The following CSMD1 variants were observed in gnomAD, a reference collection of about 807,000 sequenced individuals.
The protein encoded by CSMD1 is CUB and Sushi multiple domains 1, also known as CUB and sushi domain-containing protein 1.
In CSMD1, 213 loss-of-function variants were observed where a neutral mutation model predicts 417.5. The ratio of observed to expected loss-of-function variants is 0.51; its 90% CI spans 0.46 to 0.57. The LOEUF is 0.57. Among genes scored for constraint, CSMD1 ranks in the 20% least tolerant of loss-of-function variants. The pLI is 0.00. For missense variants in CSMD1, 6,923 were observed against 4,529.7 expected, an observed-to-expected ratio of 1.53 and a Z score of -15.17; for synonymous variants, 2,862 against 1,736.8, an observed-to-expected ratio of 1.65 and a Z score of -16.11.
chr8:3,260,420 C>T (rs529753735), intron 26 of CSMD1, among the ~76,000 whole-genome samples: 1 of 151,970 alleles, frequency 6.6e-6, no homozygotes, highest in Non-Finnish European at 1.5e-5. Context: ...AGGAGTATAT[C>T]CTCCAGCCCC....
At chr8:4,254,733 T>C (rs1049879828) in intron 3 of CSMD1, among the ~76,000 whole-genome samples, 4 of 152,116 alleles carry the variant, frequency 2.6e-5, no homozygotes, top group African/African-American at 9.7e-5. Flanking sequence ...TTATGTATCT[T>C]CAGATCTGCA....
At chr8:3,875,394 G>A (rs1198837955) in intron 5 of CSMD1, among the ~76,000 whole-genome samples, 4 of 152,174 alleles carry the variant, frequency 2.6e-5, no homozygotes, top group Non-Finnish European at 1.5e-5. Flanking sequence ...GCGTAGACAT[G>A]GTCTATGAAG....
At chr8:4,943,290 T>C (rs897417608) in intron 1 of CSMD1, among the ~76,000 whole-genome samples, 1 of 152,046 alleles carries the variant, frequency 6.6e-6, no homozygotes, top group Non-Finnish European at 1.5e-5. Flanking sequence ...GGTCAGGAGA[T>C]CAAGATCGTC....
At chr8:4,488,975 G>A (rs1048539406) in intron 2 of CSMD1, among the ~76,000 whole-genome samples, 1 of 152,130 alleles carries the variant, frequency 6.6e-6, no homozygotes, top group Non-Finnish European at 1.5e-5. Flanking sequence ...GCAGTGGCGC[G>A]ATCTTGGCTC....
intron 1 of CSMD1, among the ~76,000 whole-genome samples, chr8:4,715,555 G>A (rs1188281848): frequency 6.6e-6 from 1 of 151,864 alleles, no homozygotes; most frequent in Non-Finnish European, 1.5e-5. Context: ...TATATCCAAC[G>A]GTCCACCCTG....
chr8:3,790,662 G>T lies in CSMD1; in HGVS notation c.819-36620C>A, dbSNP rs150707793. ...AAGAGATAATAGCTGGGATTTTGTT[G>T]TTGTTGTTAACAGGGTTTGTTTTAT... On this transcript the variant is annotated intron_variant, in intron 5 of 69. Coordinates refer to ENST00000635120, the MANE Select transcript of CSMD1 (RefSeq NM_033225.6). Among the ~76,000 whole-genome samples, 4 of 152,154 alleles carry T rather than the reference G, an allele frequency of 2.6e-5. No individual in the cohort carries two copies. In the East Asian group the frequency reaches 7.7e-4, roughly 29 times the overall value.
chr8:3,391,119 T>A (rs927407804), intron 17 of CSMD1, among the ~76,000 whole-genome samples: 1 of 152,144 alleles, frequency 6.6e-6, no homozygotes, highest in Non-Finnish European at 1.5e-5. Flanking sequence ...TACCATTACA[T>A]CCCGACCACT....
At chr8:3,837,111 T>G (rs1282194381) in intron 5 of CSMD1, among the ~76,000 whole-genome samples, 3 of 151,078 alleles carry the variant, frequency 2.0e-5, no homozygotes, top group East Asian at 3.9e-4. Context: ...AGATTACCAT[T>G]CAGTATTAAA....
intron 26 of CSMD1, among the ~76,000 whole-genome samples, chr8:3,264,463 C>G (rs150124027): frequency 3.9e-5 from 6 of 152,056 alleles, no homozygotes; most frequent in African/African-American, 1.2e-4. Flanking sequence ...CAGTTTGAAT[C>G]GAGTGAGGTG....
chr8:3,204,076 T>C lies in CSMD1; in HGVS notation c.4984+1428A>G, dbSNP rs894948873. Among the ~76,000 whole-genome samples the C allele has an allele frequency of 9.2e-5, 14 of 152,290 alleles. No individual in the cohort carries two copies. The East Asian group carries it at 2.7e-3, about 29-fold the overall frequency. ...AAGAGTAACGAATGGGGGAAGAAAG[T>C]AAAAGATGAGACAGAATGCATTTTC... On this transcript the variant is annotated intron_variant, in intron 31 of 69. Transcript: ENST00000635120.
Position 3,270,178 on chromosome 8 carries a change from T to C in CSMD1, c.4153+13966A>G, listed in dbSNP as rs966158661. Among the ~76,000 whole-genome samples, 40 of 151,114 alleles carry C rather than the reference T, an allele frequency of 2.6e-4. 1 individual carries two copies. The Admixed American group carries it at 2.7e-3, about 10-fold the overall frequency. On this transcript the variant is annotated intron_variant, in intron 26 of 69. Coordinates refer to ENST00000635120, the MANE Select transcript of CSMD1 (RefSeq NM_033225.6). ...GATTCTCCTACCTCAGACTCCCAAG[T>C]AGCTGGGATTACAGGCACATGCCAC... is the stretch of plus-strand genomic sequence containing the variant.
chr8:3,216,850 A>G (rs1797910217), intron 29 of CSMD1, among the ~76,000 whole-genome samples: 1 of 152,208 alleles, frequency 6.6e-6, no homozygotes, highest in African/African-American at 2.4e-5. Flanking sequence ...TCTATTTCCC[A>G]TCATGCCTAA....
At chr8:3,190,824 T>G (rs1796375573) in intron 33 of CSMD1, among the ~76,000 whole-genome samples, 2 of 152,190 alleles carry the variant, frequency 1.3e-5, no homozygotes, top group Non-Finnish European at 2.9e-5. Flanking sequence ...GGATGAACCT[T>G]GAGGACATCG....
chr8:3,413,994 C>A (rs917467666), intron 12 of CSMD1, among the ~76,000 whole-genome samples: 1 of 151,456 alleles, frequency 6.6e-6, no homozygotes, highest in Non-Finnish European at 1.5e-5. Flanking sequence ...CAAAAATTAG[C>A]CGGGAATGGT....
At chr8:3,335,978 T>A (rs1426081289) in intron 23 of CSMD1, among the ~76,000 whole-genome samples, 1 of 152,138 alleles carries the variant, frequency 6.6e-6, no homozygotes, top group African/African-American at 2.4e-5. Context: ...TGGGCTAATT[T>A]ACATGCAGAG....
In CSMD1 at chr8:3,464,832, T is replaced by A. The variant is rs116131334; in HGVS notation, c.1561+3880A>T. On this transcript the variant is annotated intron_variant, in intron 12 of 69. Coordinates refer to ENST00000635120, the MANE Select transcript of CSMD1 (RefSeq NM_033225.6). ...TAATTCAGTATTTTCATTTGTAAAA[T>A]GGTTTTAAACAAAGCTTACCTCTCT... 6.3e-3 allele frequency among the ~76,000 whole-genome samples: 966 copies of A among 152,288 alleles called. 8 individuals are homozygous for A. The highest frequency in any genetic ancestry group is 0.021 in the African/African-American group (883 of 41,564).
intron 10 of CSMD1, among the ~76,000 whole-genome samples, chr8:3,531,563 C>T (rs1397995813): frequency 6.6e-6 from 1 of 152,184 alleles, no homozygotes; most frequent in Non-Finnish European, 1.5e-5. Flanking sequence ...GGAGCCCTGC[C>T]ATGCAGTCCA....
At chr8:4,719,905 C>T (rs1345026753) in intron 1 of CSMD1, among the ~76,000 whole-genome samples, 1 of 152,118 alleles carries the variant, frequency 6.6e-6, no homozygotes, top group African/African-American at 2.4e-5. Context: ...TATTCGACCT[C>T]ACTTTTTATT....
At chr8:3,902,303 T>C (rs1334623771) in intron 5 of CSMD1, among the ~76,000 whole-genome samples, 2 of 152,196 alleles carry the variant, frequency 1.3e-5, no homozygotes, top group Non-Finnish European at 2.9e-5. Context: ...CAAATCCTGT[T>C]ACTCCAACTA....
Sources: allele counts gnomAD v4.1 joint callset (sites outside exome capture counted in the v4.1 genomes callset), GRCh38; gene constraint gnomAD v4.1.1; transcripts MANE v1.5; gene names NCBI Gene and HGNC (gene_info 2026-07-23, HGNC 2026-07-21).